GABRA4: variants seen among roughly 807,000 people sequenced by gnomAD.
The protein encoded by GABRA4 is gamma-aminobutyric acid receptor subunit alpha-4.
In GABRA4, 12 loss-of-function variants were observed where a neutral mutation model predicts 49.7. The ratio of observed to expected loss-of-function variants is 0.24; its 90% CI spans 0.15 to 0.39. The LOEUF is 0.39. GABRA4 is among the 10% of genes least tolerant of loss of function. GABRA4 has a pLI of 1.00. For missense variants in GABRA4, 506 were observed against 686.0 expected (o/e 0.74, Z 2.93); for synonymous variants, 288 against 240.2 (o/e 1.20, Z -1.84).
At chr4:46,993,194 G>A in intron 1 of GABRA4, 145 bp downstream of exon 1, 1 of 785,484 alleles carries the variant, frequency 1.3e-6, no homozygotes, top group East Asian at 2.6e-5. Flanking sequence ...TGCGGTCACA[G>A]AAAAGCCTGG....
chr4:46,991,938 T>TA (rs1723761581), intron 2 of GABRA4, among the ~76,000 whole-genome samples: 1 of 152,214 alleles, frequency 6.6e-6, no homozygotes, highest in Non-Finnish European at 1.5e-5. Context: ...GAAGGGTAAT[T>TA]AGTGCAGTGT....
rs1329118975 is a variant in GABRA4, at chr4:46,986,826, G to GA, written c.205+6001dup. Among the ~76,000 whole-genome samples the GA allele has an allele frequency of 2.0e-5, 3 of 152,104 alleles. No homozygotes were observed. The East Asian group carries it at 5.8e-4, about 29-fold the overall frequency. On this transcript the variant is annotated intron_variant, in intron 2 of 8. Transcript: ENST00000264318. ...CTAGGTGTTCAAATCAAAAACTTTG[G>GA]AATCAGCTTTGACACCTCCCTTTCT...
intron 2 of GABRA4, among the ~76,000 whole-genome samples, chr4:46,981,262 T>C (rs1460280456): frequency 6.6e-6 from 1 of 152,064 alleles, no homozygotes; most frequent in Non-Finnish European, 1.5e-5. Context: ...AGAAAAGAAT[T>C]AGGCCAATGA....
At chr4:46,938,255 T>C in intron 8 of GABRA4, among the ~76,000 whole-genome samples, 1 of 152,100 alleles carries the variant, frequency 6.6e-6, no homozygotes, top group East Asian at 1.9e-4. Context: ...ACTCAGACAA[T>C]ATTTGCACAA....
At chr4:46,951,011 A>G (rs1722155911) in intron 8 of GABRA4, among the ~76,000 whole-genome samples, 2 of 151,790 alleles carry the variant, frequency 1.3e-5, no homozygotes, top group Admixed American at 6.6e-5. Flanking sequence ...TTTCTATCTC[A>G]TACCTATCTG....
chr4:46,978,687 C>CAAAAAAAAAAAAAAAAAAAAAAAAAAA (rs71193889), intron 3 of GABRA4, among the ~76,000 whole-genome samples: 22 of 21,642 alleles, frequency 1.0e-3, no homozygotes, highest in Non-Finnish European at 1.3e-3. Context: ...AACTTCATCT[C>CAAAAAAAAAAAAAAAAAAAAAAAAAAA]AAAAAAAAAA....
intron 8 of GABRA4, among the ~76,000 whole-genome samples, chr4:46,960,513 T>A (rs1447660122): frequency 2.6e-5 from 4 of 151,742 alleles, no homozygotes; most frequent in African/African-American, 9.7e-5. Flanking sequence ...AGTTAAAATA[T>A]CTGTAACATT....
At chr4:46,985,860 T>C (rs964521453) in intron 2 of GABRA4, among the ~76,000 whole-genome samples, 6 of 152,120 alleles carry the variant, frequency 3.9e-5, no homozygotes, top group African/African-American at 1.2e-4. Flanking sequence ...CTAAAAGACG[T>C]ATTTCTTTCA....
At chr4:46,952,509 T>C (rs2109359562) in intron 8 of GABRA4, among the ~76,000 whole-genome samples, 1 of 152,214 alleles carries the variant, frequency 6.6e-6, no homozygotes, top group South Asian at 2.1e-4. Context: ...TTCATTTAAG[T>C]GAAATAAAAT....
chr4:46,950,802 A>C (rs1722148622), intron 8 of GABRA4, among the ~76,000 whole-genome samples: 1 of 151,942 alleles, frequency 6.6e-6, no homozygotes, highest in Non-Finnish European at 1.5e-5. Context: ...AGAAGCTTCA[A>C]GCTCCAAGAA....
chr4:46,974,811 T>C (rs1245199293), intron 5 of GABRA4, among the ~76,000 whole-genome samples: 1 of 151,930 alleles, frequency 6.6e-6, no homozygotes, highest in Admixed American at 6.6e-5. Flanking sequence ...ATGCTGCCTG[T>C]AATAATACAA....
chr4:46,940,074 G>A (rs532775081), intron 8 of GABRA4, among the ~76,000 whole-genome samples: 1 of 152,132 alleles, frequency 6.6e-6, no homozygotes, highest in African/African-American at 2.4e-5. Flanking sequence ...TTCCCTGTGA[G>A]TTATTTTAAA....
intron 2 of GABRA4, among the ~76,000 whole-genome samples, chr4:46,980,813 G>T (rs763499330): frequency 6.6e-6 from 1 of 152,054 alleles, no homozygotes; most frequent in Non-Finnish European, 1.5e-5. Context: ...ACTCAAGTAG[G>T]TTCAACAGTG....
At chr4:46,942,936 T>A (rs1019321436) in intron 8 of GABRA4, among the ~76,000 whole-genome samples, 14 of 152,122 alleles carry the variant, frequency 9.2e-5, no homozygotes, top group Non-Finnish European at 1.9e-4. Flanking sequence ...TTTTCTAACA[T>A]CTAGACGCAT....
intron 2 of GABRA4, among the ~76,000 whole-genome samples, chr4:46,988,122 C>A (rs1183192013): frequency 1.3e-5 from 2 of 152,152 alleles, no homozygotes; most frequent in Non-Finnish European, 2.9e-5. Flanking sequence ...TTACTCTTTT[C>A]ATGTCTGACA....
intron 8 of GABRA4, among the ~76,000 whole-genome samples, chr4:46,945,611 C>T (rs1047428745): frequency 6.6e-6 from 1 of 152,070 alleles, no homozygotes; most frequent in African/African-American, 2.4e-5. Context: ...ATGAATATCT[C>T]CACAAACCCA....
In GABRA4 at chr4:46,925,422, C is replaced by A. The variant is rs1310816730; in HGVS notation, c.*2803G>T. ...TAATTATGTAGCAGTTAGTGGCCAACATGGACTGCAGATACTAGGTCCTGA... is the reference window on the plus strand; with the variant it reads ...TAATTATGTAGCAGTTAGTGGCCAAAATGGACTGCAGATACTAGGTCCTGA... On this transcript the variant is annotated 3_prime_UTR_variant, in exon 9 of 9. Coordinates refer to ENST00000264318, the MANE Select transcript of GABRA4 (RefSeq NM_000809.4). 1.3e-5 allele frequency: 2 copies of A among 151,882 alleles called. No homozygotes were observed. Among genetic ancestry groups the A allele is most frequent in the South Asian group, 4.1e-4 (2 of 4,828 alleles). The allele number at this position is 151,882 out of a possible 1,614,324, so 9.4% of individuals were successfully genotyped here. A position where few individuals can be genotyped will look rare whatever the true frequency, so the allele number is the denominator to read the frequency against.
chr4:46,959,451 T>C (rs1722485334), intron 8 of GABRA4, among the ~76,000 whole-genome samples: 1 of 151,970 alleles, frequency 6.6e-6, no homozygotes, highest in Non-Finnish European at 1.5e-5. Context: ...TATAATCCTA[T>C]GTCCTTCACA....
Position 46,965,107 on chromosome 4 carries a change from C to A in GABRA4, c.997G>T (p.Ala333Ser). Reference protein sequence around the residue: ...IAVCFAFVFSALIEFAAVNYF... With the variant: ...IAVCFAFVFSSLIEFAAVNYF... ...TTGACAGCAGCAAACTCGATAAGGGCCGAAAATACAAAAGCAAAGCAGACA... is the reference window on the plus strand; with the variant it reads ...TTGACAGCAGCAAACTCGATAAGGGACGAAAATACAAAAGCAAAGCAGACA... Residue 333 changes from alanine to serine, a missense_variant, in exon 8 of 9, where the codon GCC becomes TCC. Ala to Ser is a moderately conservative substitution (Grantham distance 99, BLOSUM62 1). This residue lies in a region of GABRA4 where 33 missense variants were observed against 102.5 expected (regional missense o/e 0.32). Coordinates refer to ENST00000264318, the MANE Select transcript of GABRA4 (RefSeq NM_000809.4). The A allele has an allele frequency of 6.2e-7, 1 of 1,612,012 alleles. No individual in the cohort carries two copies. Among genetic ancestry groups the A allele is most frequent in the Non-Finnish European group, 8.5e-7 (1 of 1,178,814 alleles).
Sources: allele counts gnomAD v4.1 joint callset (sites outside exome capture counted in the v4.1 genomes callset), GRCh38; gene constraint gnomAD v4.1.1; regional missense constraint gnomAD v4.1.1; transcripts MANE v1.5; gene names NCBI Gene and HGNC (gene_info 2026-07-23, HGNC 2026-07-21).